Variants in MYT1L observed in about 807,000 individuals in gnomAD.
MYT1L encodes the protein myelin transcription factor 1-like protein.
In MYT1L, 12 loss-of-function variants were observed where a neutral mutation model predicts 126.7. The observed-to-expected ratio is 0.09, with a 90% CI of 0.06 to 0.15. The LOEUF (loss-of-function observed/expected upper bound fraction) is 0.15. Among genes scored for constraint, MYT1L ranks in the 10% least tolerant of loss-of-function variants. The pLI, the probability that MYT1L is intolerant of heterozygous loss-of-function variation, is 1.00. For synonymous variants in MYT1L, 541 were observed against 604.2 expected, an observed-to-expected ratio of 0.90 and a Z score of 1.53; for missense variants, 979 against 1,585.2, an observed-to-expected ratio of 0.62 and a Z score of 6.49.
intron 9 of MYT1L, among the ~76,000 whole-genome samples, chr2:1,931,404 G>A (rs932878722): frequency 2.0e-5 from 3 of 150,594 alleles, no homozygotes; most frequent in African/African-American, 7.3e-5. Context: ...GCTGCGCCTT[G>A]CAAGTACTTC....
intron 9 of MYT1L, among the ~76,000 whole-genome samples, chr2:1,926,923 AATT>A (rs2054305597): frequency 6.6e-6 from 1 of 152,258 alleles, no homozygotes; most frequent in Admixed American, 6.5e-5. Flanking sequence ...TTTATCAGGA[AATT>A]ATCTTAAAGG....
At chr2:2,286,018 T>G (rs1054539171) in intron 1 of MYT1L, among the ~76,000 whole-genome samples, 1 of 152,104 alleles carries the variant, frequency 6.6e-6, no homozygotes, top group Non-Finnish European at 1.5e-5. Flanking sequence ...ACTGTCACTC[T>G]GTCACCCAGG....
chr2:1,791,344 A>G lies in MYT1L; in HGVS notation c.*523T>C. ...AGCATTTTTGCAACGAATTCTTGCT[A>G]TGAAACAATATGCACACAAAATGTA... On this transcript the variant is annotated 3_prime_UTR_variant, in exon 25 of 25. Transcript: ENST00000647738. This position sits in a 1 kb window ranked among gnomAD's most constrained non-coding sequence, Gnocchi z 6.0. 2.2e-6 allele frequency: 1 copy of G among 446,646 alleles called. No individual in the cohort carries two copies. Among genetic ancestry groups the G allele is most frequent in the Non-Finnish European group, 4.6e-6 (1 of 217,050 alleles). 27.7% of individuals were successfully genotyped at this position (446,646 alleles called of 1,614,324 possible).
intron 2 of MYT1L, among the ~76,000 whole-genome samples, chr2:2,227,330 T>C (rs1432211368): frequency 6.6e-6 from 1 of 152,226 alleles, no homozygotes; most frequent in Non-Finnish European, 1.5e-5. Context: ...ATAGATTCAA[T>C]GACCCACTTG....
At chr2:2,160,208 T>C (rs72769205) in intron 3 of MYT1L, among the ~76,000 whole-genome samples, 6,991 of 152,324 alleles carry the variant, frequency 0.046, 248 homozygotes, top group Non-Finnish European at 0.07. Context: ...AGAAAGACGA[T>C]GTAGGCTTTG....
intron 3 of MYT1L, among the ~76,000 whole-genome samples, chr2:2,172,197 C>G (rs186013388): frequency 2.0e-5 from 3 of 152,234 alleles, no homozygotes. Context: ...ACTAGGTATG[C>G]GCCAATCTCT....
intron 15 of MYT1L, among the ~76,000 whole-genome samples, chr2:1,890,801 G>A (rs1047948479): frequency 6.6e-6 from 1 of 152,206 alleles, no homozygotes; most frequent in Non-Finnish European, 1.5e-5. Flanking sequence ...GCAGAAGGAA[G>A]ATGCTTGGAA....
chr2:2,122,620 C>T (rs1039368635), intron 3 of MYT1L, among the ~76,000 whole-genome samples: 2 of 152,186 alleles, frequency 1.3e-5, no homozygotes, highest in Admixed American at 6.5e-5. Flanking sequence ...TTAAAGCTAA[C>T]AGCCATTACT....
chr2:2,084,031 T>G (rs968924727), intron 3 of MYT1L, among the ~76,000 whole-genome samples: 1 of 149,954 alleles, frequency 6.7e-6, no homozygotes, highest in African/African-American at 2.5e-5. Context: ...TAGTATAGAC[T>G]GAGAGGGCTA....
chr2:2,006,823 C>A (rs921886730), intron 4 of MYT1L, among the ~76,000 whole-genome samples: 1 of 152,108 alleles, frequency 6.6e-6, no homozygotes, highest in Admixed American at 6.6e-5. Flanking sequence ...TGATCCACCC[C>A]CTTCAGCCTC....
chr2:1,886,383 T>C, intron 18 of MYT1L, 156 bp downstream of exon 18: 1 of 477,746 alleles, frequency 2.1e-6, no homozygotes. Flanking sequence ...GTGGCTGAAA[T>C]TCCGAGGATT....
At chr2:2,232,663 G>A (rs1216036779) in intron 2 of MYT1L, among the ~76,000 whole-genome samples, 1 of 152,212 alleles carries the variant, frequency 6.6e-6, no homozygotes, top group Non-Finnish European at 1.5e-5. Context: ...CTCGGACAAA[G>A]GACTCTTCCT....
intron 4 of MYT1L, among the ~76,000 whole-genome samples, chr2:2,008,319 G>T (rs987433246): frequency 6.6e-6 from 1 of 152,158 alleles, no homozygotes; most frequent in Non-Finnish European, 1.5e-5. Flanking sequence ...GGCCAGCCTC[G>T]CATTAATTAA....
At chr2:2,194,687 A>T (rs2092723250) in intron 2 of MYT1L, among the ~76,000 whole-genome samples, 1 of 152,132 alleles carries the variant, frequency 6.6e-6, no homozygotes, top group Admixed American at 6.5e-5. Context: ...GCTGGCTGTG[A>T]GACCTTCCCC....
chr2:2,049,959 G>A lies in MYT1L; in HGVS notation c.-158+4019C>T, dbSNP rs527276774. On this transcript the variant is annotated intron_variant, in intron 4 of 24. Coordinates refer to ENST00000647738, the MANE Select transcript of MYT1L (RefSeq NM_001303052.2). ...TAAACTTATATACGTGTGTGTGTGT[G>A]TATATATATATATATAAATATGTAT... Among the ~76,000 whole-genome samples, 165 of 149,636 alleles carry A rather than the reference G, an allele frequency of 1.1e-3. 5 individuals carry two copies. The East Asian group carries it at 0.023, about 21-fold the overall frequency.
At chr2:2,194,696 C>T (rs758676278) in intron 2 of MYT1L, among the ~76,000 whole-genome samples, 1 of 152,104 alleles carries the variant, frequency 6.6e-6, no homozygotes, top group Non-Finnish European at 1.5e-5. Flanking sequence ...GAGACCTTCC[C>T]CCCTCATCAG....
chr2:1,979,293 G>T lies in MYT1L; in HGVS notation c.90-66C>A. 1.4e-6 allele frequency: 2 copies of T among 1,435,634 alleles called. No individual in the cohort carries two copies. Among genetic ancestry groups the T allele is most frequent in the Non-Finnish European group, 2.0e-6 (2 of 1,024,994 alleles). 88.9% of individuals were successfully genotyped at this position (1,435,634 alleles called of 1,614,324 possible). Reference sequence around the variant, plus strand: ...GCAGGTGAGACGGAAAGCTTCCGTGGCAGCAGAGAGAAGGAGGGCGGCTCA... The same window carrying T: ...GCAGGTGAGACGGAAAGCTTCCGTGTCAGCAGAGAGAAGGAGGGCGGCTCA... On this transcript the variant is annotated intron_variant, in intron 7 of 24. Coordinates refer to ENST00000647738, the MANE Select transcript of MYT1L (RefSeq NM_001303052.2). This position sits in a 1 kb window ranked among gnomAD's most constrained non-coding sequence, Gnocchi z 4.0.
In MYT1L at chr2:1,903,225, C is replaced by A. The variant is rs368969418; in HGVS notation, c.1887G>T (p.Thr629=). The A allele has an allele frequency of 9.3e-6, 15 of 1,613,794 alleles. No individual in the cohort carries two copies. The highest frequency in any genetic ancestry group is 1.3e-5 in the Non-Finnish European group (15 of 1,179,880). The change falls in exon 14 of 25, where the codon ACG becomes ACT. Residue 629 remains threonine, a synonymous_variant. Transcript: ENST00000647738. ...YGYRNNVPTT[T]PRSNLAKELE... is the part of the protein sequence containing the mutation. ...GCTCCTTGGCCAGGTTGGAACGCGG[C>A]GTAGTTGTGGGGACATTGTTTCTGT... is the stretch of plus-strand genomic sequence containing the variant.
At chr2:1,907,689 C>T (rs926700446) in intron 13 of MYT1L, among the ~76,000 whole-genome samples, 13 of 152,242 alleles carry the variant, frequency 8.5e-5, no homozygotes, top group Admixed American at 2.0e-4. Flanking sequence ...GTTCATTGAA[C>T]GATTTATTTA....
Sources: gnomAD v4.1 joint callset for allele counts (sites outside exome capture counted in the v4.1 genomes callset) on GRCh38, gnomAD v4.1.1 for gene constraint, Gnocchi (gnomAD v3.1) non-coding constraint, MANE v1.5 for transcripts, NCBI Gene and HGNC (gene_info 2026-07-23, HGNC 2026-07-21) for gene names.